Variants in RABGAP1 observed in about 807,000 individuals in gnomAD.
RABGAP1 encodes rab GTPase-activating protein 1.
Under a neutral mutation model 137.6 loss-of-function variants are expected in RABGAP1, and 23 were observed. The observed-to-expected ratio is 0.17, with a 90% CI of 0.12 to 0.24. The LOEUF is 0.24. Ranked by LOEUF, RABGAP1 falls within the 10% of genes least tolerant of loss-of-function variation. The probability of loss-of-function intolerance (pLI) is 1.00; values close to 1 mark genes in which losing one functional copy is unlikely to be tolerated. For missense variants in RABGAP1, 906 were observed against 1,275.8 expected, an observed-to-expected ratio of 0.71 and a Z score of 4.42; for synonymous variants, 451 against 450.7, an observed-to-expected ratio of 1.00 and a Z score of -0.01.
At position 122,998,682 on chromosome 9, in the gene RABGAP1, C is replaced by G; in HGVS notation, c.1290C>G (p.Val430=). Reference sequence around the variant, plus strand: ...TTCGATTTCTCCTGGAGACAAAAGTCCGCGTTTGCTCACCTAATGAAAGAT... The same window carrying G: ...TTCGATTTCTCCTGGAGACAAAAGTGCGCGTTTGCTCACCTAATGAAAGAT... The part of the protein sequence containing the change: ...EPVRFLLETK[V]RVCSPNERLF... Residue 430 remains valine, a synonymous_variant, in exon 10 of 26, where the codon GTC becomes GTG. Transcript: ENST00000373647. 6 of 1,612,284 alleles carry G rather than the reference C, an allele frequency of 3.7e-6. No individual in the cohort carries two copies. Among genetic ancestry groups the G allele is most frequent in the Non-Finnish European group, 3.4e-6 (4 of 1,178,420 alleles).
At chr9:123,031,348 A>G (rs555067899) in intron 13 of RABGAP1, among the ~76,000 whole-genome samples, 3 of 152,198 alleles carry the variant, frequency 2.0e-5, no homozygotes, top group Non-Finnish European at 2.9e-5. Context: ...AATAAAGTCT[A>G]TGGCAAGTGT....
intron 10 of RABGAP1, among the ~76,000 whole-genome samples, chr9:123,003,109 C>A (rs995501448): frequency 5.9e-5 from 9 of 152,132 alleles, no homozygotes; most frequent in Non-Finnish European, 1.5e-5. Context: ...GTTAATCTCA[C>A]CCCTTGTAAC....
rs190103592 is a variant in RABGAP1 at position 123,001,661 on chromosome 9, G to A, written c.1374+2895G>A. Among the ~76,000 whole-genome samples, 403 of 152,266 alleles carry A rather than the reference G, an allele frequency of 2.6e-3. 1 individual carries two copies. The highest frequency in any genetic ancestry group is 0.014 in the Middle Eastern group (4 of 294). ...GGAGTCAGAGCACATGGATTTTACC[G>A]CTAGCTTGTTAACTTTGAGCAAGTT... On this transcript the variant is annotated intron_variant, in intron 10 of 25. Transcript: ENST00000373647.
Position 123,070,970 on chromosome 9 carries a change from C to CT in RABGAP1, c.1983+553dup, listed in dbSNP as rs1332643410. Among the ~76,000 whole-genome samples, 1 of 152,126 alleles carries CT rather than the reference C, an allele frequency of 6.6e-6. No homozygotes were observed. Among genetic ancestry groups the CT allele is most frequent in the Non-Finnish European group, 1.5e-5 (1 of 68,006 alleles). ...TTTCTGTTTGTCTCCCTCTGCATCTCTTTTTTTCTCTTTTCTGCATAAACA... is the reference window on the plus strand; with the variant it reads ...TTTCTGTTTGTCTCCCTCTGCATCTCTTTTTTTTCTCTTTTCTGCATAAACA... On this transcript the variant is annotated intron_variant, in intron 15 of 25. Coordinates refer to ENST00000373647, the MANE Select transcript of RABGAP1 (RefSeq NM_012197.4). The surrounding 1 kb of genome is among the most constrained non-coding windows in gnomAD (Gnocchi z 4.4).
chr9:122,943,367 C>T (rs1325913692), intron 1 of RABGAP1, among the ~76,000 whole-genome samples: 1 of 152,156 alleles, frequency 6.6e-6, no homozygotes, highest in Non-Finnish European at 1.5e-5. Flanking sequence ...CTGCGCCCGG[C>T]CACACTTTCT....
intron 2 of RABGAP1, 71 bp downstream of exon 2, chr9:122,957,280 A>G: frequency 8.1e-7 from 1 of 1,236,180 alleles, no homozygotes; most frequent in Non-Finnish European, 1.1e-6. Flanking sequence ...GCCTTAACAG[A>G]AAACAGATAT....
intron 19 of RABGAP1, among the ~76,000 whole-genome samples, chr9:123,088,265 G>A (rs924690909): frequency 1.1e-4 from 16 of 151,930 alleles, no homozygotes; most frequent in Non-Finnish European, 1.9e-4. Flanking sequence ...GCCCAGGCTG[G>A]TTTCAAACTC....
At chr9:122,980,531 T>G (rs1588207288) in intron 2 of RABGAP1, among the ~76,000 whole-genome samples, 1 of 152,212 alleles carries the variant, frequency 6.6e-6, no homozygotes, top group East Asian at 1.9e-4. Flanking sequence ...TGCTTGTTTC[T>G]TTTATTGGGA....
At chr9:123,040,186 T>C (rs550371861) in intron 13 of RABGAP1, among the ~76,000 whole-genome samples, 12 of 152,306 alleles carry the variant, frequency 7.9e-5, no homozygotes, top group African/African-American at 2.9e-4. Flanking sequence ...GCCTCACTGT[T>C]CTCTACTTTA....
At chr9:122,945,057 G>GT (rs1467858588) in intron 1 of RABGAP1, among the ~76,000 whole-genome samples, 1 of 147,066 alleles carries the variant, frequency 6.8e-6, no homozygotes, top group Non-Finnish European at 1.5e-5. Flanking sequence ...AGTTTACATA[G>GT]TTAGATCCCA....
At chr9:123,028,727 C>T (rs759795830) in intron 13 of RABGAP1, among the ~76,000 whole-genome samples, 3 of 152,084 alleles carry the variant, frequency 2.0e-5, no homozygotes, top group Non-Finnish European at 4.4e-5. Flanking sequence ...TTATATATTC[C>T]GGTTTATAAG....
At chr9:122,949,047 T>A (rs1834085286) in intron 1 of RABGAP1, among the ~76,000 whole-genome samples, 1 of 152,312 alleles carries the variant, frequency 6.6e-6, no homozygotes, top group South Asian at 2.1e-4. Flanking sequence ...TAATTGCTTC[T>A]GGAATGAATG....
chr9:123,023,237 G>C (rs566536910), intron 13 of RABGAP1, among the ~76,000 whole-genome samples: 2 of 152,276 alleles, frequency 1.3e-5, no homozygotes, highest in African/African-American at 4.8e-5. Flanking sequence ...CTGGAGTGCA[G>C]TGGCATGATC....
At chr9:122,977,333 G>A (rs1423867388) in intron 2 of RABGAP1, among the ~76,000 whole-genome samples, 2 of 152,156 alleles carry the variant, frequency 1.3e-5, no homozygotes, top group Non-Finnish European at 2.9e-5. Context: ...GAGTTATATG[G>A]GAATGAGAGA....
chr9:122,961,994 C>T (rs925152474), intron 2 of RABGAP1, among the ~76,000 whole-genome samples: 1 of 152,052 alleles, frequency 6.6e-6, no homozygotes, highest in Non-Finnish European at 1.5e-5. Flanking sequence ...TACATTGGTT[C>T]TTCTCTCAAC....
chr9:123,011,806 T>G (rs1339580489), intron 11 of RABGAP1, among the ~76,000 whole-genome samples: 2 of 151,914 alleles, frequency 1.3e-5, no homozygotes, highest in Non-Finnish European at 2.9e-5. Context: ...TACAAAAAAA[T>G]TAGCTGGGTG....
At chr9:123,030,329 CA>C (rs1346515736) in intron 13 of RABGAP1, among the ~76,000 whole-genome samples, 3 of 152,028 alleles carry the variant, frequency 2.0e-5, no homozygotes, top group Non-Finnish European at 4.4e-5. Context: ...CTTGCTAAAT[CA>C]ATATGGTTCT....
At chr9:122,963,135 G>T (rs561435889) in intron 2 of RABGAP1, among the ~76,000 whole-genome samples, 2 of 152,176 alleles carry the variant, frequency 1.3e-5, no homozygotes, top group African/African-American at 4.8e-5. Context: ...TTAGCCGGGC[G>T]TGGTGGCTGA....
At chr9:123,066,893 T>C (rs1416943692) in intron 14 of RABGAP1, among the ~76,000 whole-genome samples, 1 of 152,238 alleles carries the variant, frequency 6.6e-6, no homozygotes, top group African/African-American at 2.4e-5. Flanking sequence ...GTCTAACTGA[T>C]AAGTATAGTT....
Sources: allele counts gnomAD v4.1 joint callset (sites outside exome capture counted in the v4.1 genomes callset), GRCh38; gene constraint gnomAD v4.1.1; non-coding constraint Gnocchi (gnomAD v3.1); transcripts MANE v1.5; gene names NCBI Gene and HGNC (gene_info 2026-07-23, HGNC 2026-07-21).